The following PTPRT variants were observed in gnomAD, a reference collection of about 807,000 sequenced individuals.
PTPRT encodes protein tyrosine phosphatase receptor type T.
PTPRT carries 56 observed loss-of-function variants against 176.8 expected under a neutral mutation model. The ratio of observed to expected loss-of-function variants is 0.32; its 90% confidence interval spans 0.26 to 0.40. The LOEUF (loss-of-function observed/expected upper bound fraction) is 0.40. Ranked by LOEUF, PTPRT falls within the 10% of genes least tolerant of loss-of-function variation. The pLI, the probability that PTPRT is intolerant of heterozygous loss-of-function variation, is 1.00. For synonymous variants in PTPRT, 783 were observed against 739.0 expected, an observed-to-expected ratio of 1.06 and a Z score of -0.96; for missense variants, 1,540 against 1,908.2, an observed-to-expected ratio of 0.81 and a Z score of 3.60.
intron 1 of PTPRT, among the ~76,000 whole-genome samples, chr20:43,117,564 T>C (rs902952875): frequency 1.3e-5 from 2 of 152,084 alleles, no homozygotes; most frequent in Admixed American, 6.6e-5. Flanking sequence ...GAGCCATATC[T>C]CCAAGCTCCA....
intron 16 of PTPRT, among the ~76,000 whole-genome samples, chr20:42,170,514 A>C (rs1216733230): frequency 6.6e-6 from 1 of 152,252 alleles, no homozygotes; most frequent in Non-Finnish European, 1.5e-5. Context: ...TGAGGTAAGA[A>C]ACAATTGTAA....
At chr20:42,367,947 G>C (rs1261425678) in intron 9 of PTPRT, among the ~76,000 whole-genome samples, 1 of 152,158 alleles carries the variant, frequency 6.6e-6, no homozygotes, top group Admixed American at 6.5e-5. Flanking sequence ...ATCCTGAAAG[G>C]TAACAGCTCC....
the PTPRT span, among the ~76,000 whole-genome samples, chr20:42,041,300 T>G: frequency 2.0e-5 from 3 of 152,204 alleles, no homozygotes; most frequent in South Asian, 4.1e-4. Flanking sequence ...GATTGATTTT[T>G]GTGAGCTGCC....
At chr20:42,135,905 T>C (rs1313781543) in intron 18 of PTPRT, among the ~76,000 whole-genome samples, 3 of 152,172 alleles carry the variant, frequency 2.0e-5, no homozygotes, top group Non-Finnish European at 4.4e-5. Context: ...ATGACCTCCA[T>C]ACCCTTCTAT....
chr20:42,761,051 GA>G (rs755494591), intron 5 of PTPRT, among the ~76,000 whole-genome samples: 22 of 152,336 alleles, frequency 1.4e-4, no homozygotes, highest in Middle Eastern at 6.8e-3. Context: ...CATGGAGACA[GA>G]AATGCTCTTA....
intron 1 of PTPRT, among the ~76,000 whole-genome samples, chr20:42,899,086 G>A (rs377551148): frequency 2.0e-5 from 3 of 152,176 alleles, no homozygotes; most frequent in African/African-American, 7.2e-5. Context: ...TTTTACAGGT[G>A]GACAAACAGG....
chr20:42,307,452 G>C (rs1341554559), intron 12 of PTPRT, among the ~76,000 whole-genome samples: 1 of 152,088 alleles, frequency 6.6e-6, no homozygotes, highest in East Asian at 1.9e-4. Flanking sequence ...CAATATAGGA[G>C]TTTTCAAATA....
chr20:42,331,017 C>A (rs1239689990), intron 11 of PTPRT, among the ~76,000 whole-genome samples: 1 of 152,150 alleles, frequency 6.6e-6, no homozygotes, highest in Non-Finnish European at 1.5e-5. Context: ...GACTGGAAAG[C>A]TTGCTGGTTT....
At chr20:42,084,647 C>T in intron 29 of PTPRT, 35 bp downstream of exon 29, 5 of 1,385,348 alleles carry the variant, frequency 3.6e-6, no homozygotes, top group Non-Finnish European at 4.8e-6. Context: ...TCACCCACCA[C>T]CCTATTGCCC....
At chr20:42,395,376 A>T (rs2058839477) in intron 9 of PTPRT, among the ~76,000 whole-genome samples, 1 of 152,164 alleles carries the variant, frequency 6.6e-6, no homozygotes, top group Middle Eastern at 3.2e-3. Flanking sequence ...CAACTCTTCT[A>T]TGTGTGAGTG....
At chr20:42,202,391 A>C (rs1358722173) in intron 15 of PTPRT, among the ~76,000 whole-genome samples, 2 of 152,220 alleles carry the variant, frequency 1.3e-5, no homozygotes, top group Non-Finnish European at 2.9e-5. Context: ...ACTCAGGAAG[A>C]GGAATGCATC....
rs1360609171 is a variant in PTPRT at position 42,166,105 on chromosome 20, G to T, written c.2492-4563C>A. 2.0e-5 allele frequency among the ~76,000 whole-genome samples: 3 copies of T among 152,280 alleles called. No homozygotes were observed. The South Asian group carries it at 6.2e-4, about 32-fold the overall frequency. On this transcript the variant is annotated intron_variant, in intron 16 of 30. Transcript: ENST00000373187. ...TCAATTCAGACTGGCCATATTTCCA[G>T]GATTCAACAGACACTGGTAAATGGT... is the stretch of plus-strand genomic sequence containing the variant.
chr20:42,776,005 A>G (rs1421041701), intron 4 of PTPRT, among the ~76,000 whole-genome samples: 1 of 152,202 alleles, frequency 6.6e-6, no homozygotes, highest in Non-Finnish European at 1.5e-5. Context: ...CTTGCATGAC[A>G]GGTAATCCCT....
intron 23 of PTPRT, among the ~76,000 whole-genome samples, chr20:42,110,102 A>G (rs1218802271): frequency 2.0e-5 from 3 of 147,180 alleles, no homozygotes; most frequent in Non-Finnish European, 4.5e-5. Context: ...GCTGGAGTGC[A>G]GTGGCGCGAT....
intron 2 of PTPRT, among the ~76,000 whole-genome samples, chr20:42,829,125 C>T (rs2078046157): frequency 6.6e-6 from 1 of 152,202 alleles, no homozygotes; most frequent in African/African-American, 2.4e-5. Context: ...GCACCCATCT[C>T]TTCCATCAGC....
chr20:42,037,975 A>C, the PTPRT span, among the ~76,000 whole-genome samples: 1 of 152,158 alleles, frequency 6.6e-6, no homozygotes, highest in Admixed American at 6.5e-5. Flanking sequence ...TGGAGCACTC[A>C]CTTTATGCCA....
At chr20:42,123,753 G>C (rs1600552756) in intron 19 of PTPRT, among the ~76,000 whole-genome samples, 1 of 152,288 alleles carries the variant, frequency 6.6e-6, no homozygotes, top group Admixed American at 6.5e-5. Flanking sequence ...TGAGTGGCTT[G>C]CTCTCTCGCT....
intron 7 of PTPRT, among the ~76,000 whole-genome samples, chr20:42,619,895 C>G (rs867470002): frequency 3.5e-5 from 5 of 140,894 alleles, no homozygotes; most frequent in Admixed American, 6.9e-5. Context: ...AATGTCCTCC[C>G]GTAGCTCAGA....
intron 2 of PTPRT, among the ~76,000 whole-genome samples, chr20:42,800,967 T>A (rs183013406): frequency 1.3e-5 from 2 of 152,260 alleles, no homozygotes; most frequent in Admixed American, 6.5e-5. Context: ...ACATACCCAG[T>A]GAGTGGCAAG....
Sources: gnomAD v4.1 joint callset for allele counts (sites outside exome capture counted in the v4.1 genomes callset) on GRCh38, gnomAD v4.1.1 for gene constraint, MANE v1.5 for transcripts, NCBI Gene and HGNC (gene_info 2026-07-23, HGNC 2026-07-21) for gene names.